GDPD5: variants seen among roughly 807,000 people sequenced by gnomAD.
GDPD5 encodes glycerophosphodiester phosphodiesterase domain containing 5.
Under a neutral mutation model 75.1 loss-of-function variants are expected in GDPD5, and 48 were observed. The ratio of observed to expected loss-of-function variants is 0.64; its 90% CI spans 0.51 to 0.81. The LOEUF (loss-of-function observed/expected upper bound fraction) is 0.81. GDPD5 is among the 40% of genes least tolerant of loss of function. GDPD5 has a pLI of 0.00. For missense variants in GDPD5, 706 were observed against 822.6 expected (o/e 0.86, Z 1.73); for synonymous variants, 336 against 339.0 (o/e 0.99, Z 0.10).
chr11:75,476,333 C>T (rs951879152), intron 3 of GDPD5, among the ~76,000 whole-genome samples: 7 of 151,846 alleles, frequency 4.6e-5, no homozygotes, highest in Non-Finnish European at 1.0e-4. Context: ...TTACAGCCCT[C>T]ATCACATGTC....
chr11:75,503,704 G>A (rs1183404260), intron 1 of GDPD5, among the ~76,000 whole-genome samples: 1 of 152,252 alleles, frequency 6.6e-6, no homozygotes, highest in Admixed American at 6.5e-5. Flanking sequence ...GGACCTTAGA[G>A]AGCCTGCACC....
chr11:75,451,165 G>C (rs1314413152), intron 6 of GDPD5: 1 of 152,266 alleles, frequency 6.6e-6, no homozygotes, highest in Admixed American at 6.5e-5. Context: ...TTCACTCGCC[G>C]GCGGGGAATG....
chr11:75,447,794 C>T (rs1949025389), intron 9 of GDPD5, among the ~76,000 whole-genome samples: 1 of 152,036 alleles, frequency 6.6e-6, no homozygotes, highest in South Asian at 2.1e-4. Context: ...AGGCTGGGCT[C>T]CAATTGGTCC....
At chr11:75,463,972 GC>G (rs1949467240) in intron 3 of GDPD5, among the ~76,000 whole-genome samples, 1 of 152,218 alleles carries the variant, frequency 6.6e-6, no homozygotes, top group South Asian at 2.1e-4. Flanking sequence ...GCCGCGGTGC[GC>G]CCGCAGCATT....
intron 1 of GDPD5, among the ~76,000 whole-genome samples, chr11:75,515,371 G>A (rs1234928405): frequency 6.6e-6 from 1 of 152,152 alleles, no homozygotes; most frequent in Non-Finnish European, 1.5e-5. Flanking sequence ...GCACCATTAT[G>A]CCTCCTGCTC....
chr11:75,471,494 T>C (rs901914481), intron 3 of GDPD5, among the ~76,000 whole-genome samples: 1 of 152,128 alleles, frequency 6.6e-6, no homozygotes, highest in Non-Finnish European at 1.5e-5. Context: ...TGCAATTAAG[T>C]CCTGCCTGGG....
At chr11:75,481,399 T>C (rs959022450) in intron 2 of GDPD5, among the ~76,000 whole-genome samples, 1 of 152,180 alleles carries the variant, frequency 6.6e-6, no homozygotes, top group Non-Finnish European at 1.5e-5. Context: ...CTGGGAATAC[T>C]GAATGACCCA....
chr11:75,440,334 G>A (rs193102255), intron 14 of GDPD5, among the ~76,000 whole-genome samples: 235 of 152,184 alleles, frequency 1.5e-3, no homozygotes, highest in African/African-American at 4.6e-3. Flanking sequence ...CATCGGTCTC[G>A]ACCCTTTCCC....
At chr11:75,496,637 G>A (rs1389767809) in intron 1 of GDPD5, among the ~76,000 whole-genome samples, 1 of 152,008 alleles carries the variant, frequency 6.6e-6, no homozygotes, top group Non-Finnish European at 1.5e-5. Context: ...CAGTGCCGAG[G>A]GCCCATCTAT....
intron 1 of GDPD5, among the ~76,000 whole-genome samples, chr11:75,494,098 CATTA>C (rs1172400719): frequency 6.6e-6 from 1 of 151,712 alleles, no homozygotes; most frequent in Non-Finnish European, 1.5e-5. Context: ...ATCTGATCTT[CATTA>C]ATTGTGATGG....
chr11:75,471,795 G>A (rs1221398526), intron 3 of GDPD5, among the ~76,000 whole-genome samples: 1 of 152,172 alleles, frequency 6.6e-6, no homozygotes, highest in Non-Finnish European at 1.5e-5. Flanking sequence ...GGCAGGGTGT[G>A]GGGGTTTCCT....
chr11:75,456,960 G>A (rs376827625), intron 5 of GDPD5, 144 bp from the exon 6 acceptor site: 14 of 755,294 alleles, frequency 1.9e-5, no homozygotes, highest in East Asian at 5.3e-5. Context: ...ATGGGAATGC[G>A]CTGCCCTCCC....
Position 75,443,304 on chromosome 11 carries a change from C to A in GDPD5, c.798-18G>T. 6.3e-7 allele frequency: 1 copy of A among 1,596,414 alleles called. No individual in the cohort carries two copies. The highest frequency in any genetic ancestry group is 8.5e-7 in the Non-Finnish European group (1 of 1,173,962). On this transcript the variant is annotated intron_variant, in intron 10 of 16. Coordinates refer to ENST00000336898, the MANE Select transcript of GDPD5 (RefSeq NM_030792.8). ...CGTCCAGGCTGCAGGGAGGGTGGGG[C>A]CACCGAGTCAGTGACCCCCCAGATC...
intron 1 of GDPD5, among the ~76,000 whole-genome samples, chr11:75,497,490 G>C (rs1346337132): frequency 6.6e-6 from 1 of 152,066 alleles, no homozygotes; most frequent in East Asian, 1.9e-4. Flanking sequence ...TGGACAGTGA[G>C]GGGGCTCTGG....
intron 1 of GDPD5, among the ~76,000 whole-genome samples, chr11:75,498,509 G>C (rs546128770): frequency 7.7e-6 from 1 of 130,642 alleles, no homozygotes; most frequent in Non-Finnish European, 1.6e-5. Flanking sequence ...CCTCCTACTC[G>C]TCACTGATGC....
chr11:75,507,805 C>T (rs1231043533), intron 1 of GDPD5, among the ~76,000 whole-genome samples: 4 of 152,052 alleles, frequency 2.6e-5, no homozygotes, highest in African/African-American at 7.2e-5. Context: ...AGCAGCTGTC[C>T]CATTAAGGAA....
intron 2 of GDPD5, chr11:75,485,451 C>T (rs1193784731): frequency 2.0e-5 from 3 of 150,936 alleles, no homozygotes; most frequent in Non-Finnish European, 3.0e-5. Flanking sequence ...GGAAACTCTC[C>T]GTACTTTCCA....
intron 1 of GDPD5, among the ~76,000 whole-genome samples, chr11:75,509,329 G>A (rs1199937144): frequency 6.6e-6 from 1 of 152,152 alleles, no homozygotes; most frequent in African/African-American, 2.4e-5. Context: ...ACACAGACAG[G>A]GCTGCAGACA....
intron 4 of GDPD5, among the ~76,000 whole-genome samples, chr11:75,462,208 G>A (rs1044994240): frequency 2.6e-5 from 4 of 152,204 alleles, no homozygotes; most frequent in Non-Finnish European, 4.4e-5. Flanking sequence ...TTGAGCCCTG[G>A]CCCAGCCTTA....
Sources: allele counts gnomAD v4.1 joint callset (sites outside exome capture counted in the v4.1 genomes callset), GRCh38; gene constraint gnomAD v4.1.1; transcripts MANE v1.5; gene names NCBI Gene and HGNC (gene_info 2026-07-23, HGNC 2026-07-21).